WASF2: variants seen among roughly 807,000 people sequenced by gnomAD.
WASF2 encodes the protein WASP family member 2.
A neutral mutation model predicts 45.0 loss-of-function variants in WASF2; 14 were observed. The ratio of observed to expected loss-of-function variants is 0.31; its 90% CI spans 0.21 to 0.49. The LOEUF (loss-of-function observed/expected upper bound fraction) is 0.49. Ranked by LOEUF, WASF2 falls within the 20% of genes least tolerant of loss-of-function variation. The probability of loss-of-function intolerance (pLI) is 0.99; values close to 1 mark genes in which losing one functional copy is unlikely to be tolerated. For synonymous variants in WASF2, 200 were observed against 236.3 expected, an observed-to-expected ratio of 0.85 and a Z score of 1.41; for missense variants, 439 against 636.1, an observed-to-expected ratio of 0.69 and a Z score of 3.33.
Position 27,410,122 on chromosome 1 carries a change from A to G in WASF2, c.909T>C (p.Ala303=). The G allele has an allele frequency of 1.2e-6, 2 of 1,613,276 alleles. No homozygotes were observed. The highest frequency in any genetic ancestry group is 1.7e-6 in the Non-Finnish European group (2 of 1,179,528). ...SVVSPSHPPP[A]PPLGSPPGPK... is the part of the protein sequence containing the mutation. ...GGCCTGGTGGAGAGCCTAGAGGAGG[A>G]GCTGGTGGTGGATGGCTTGGGCTGA... The change falls in exon 8 of 9, where the codon GCT becomes GCC. Residue 303 remains alanine, a synonymous_variant. Coordinates refer to ENST00000618852, the MANE Select transcript of WASF2 (RefSeq NM_006990.5). This position sits in a 1 kb window ranked among gnomAD's most constrained non-coding sequence, Gnocchi z 4.2.
chr1:27,412,814 G>C (rs2016782446), intron 6 of WASF2, 87 bp from the exon 7 acceptor site: 2 of 1,498,874 alleles, frequency 1.3e-6, no homozygotes, highest in South Asian at 2.3e-5. Flanking sequence ...AAATGCATTT[G>C]ATACAAAAGC....
chr1:27,453,525 G>T (rs1217059909), intron 1 of WASF2, among the ~76,000 whole-genome samples: 1 of 147,952 alleles, frequency 6.8e-6, no homozygotes, highest in African/African-American at 2.5e-5. Context: ...CCAGGAGGCA[G>T]AGGTTGCCGT....
intron 1 of WASF2, among the ~76,000 whole-genome samples, chr1:27,483,487 T>C (rs187118033): frequency 6.6e-6 from 1 of 151,828 alleles, no homozygotes; most frequent in African/African-American, 2.4e-5. Flanking sequence ...AAAAACAAAA[T>C]TAGCCAGGCA....
intron 7 of WASF2, among the ~76,000 whole-genome samples, chr1:27,411,924 T>C (rs1485340849): frequency 1.3e-5 from 2 of 152,206 alleles, no homozygotes; most frequent in African/African-American, 4.8e-5. Context: ...AAGCTGGTGA[T>C]TTCCATTTGT....
intron 1 of WASF2, among the ~76,000 whole-genome samples, chr1:27,476,449 G>A (rs2017767604): frequency 6.6e-6 from 1 of 152,158 alleles, no homozygotes; most frequent in Admixed American, 6.5e-5. Flanking sequence ...CATTCATGAG[G>A]GACCTGCCCC....
intron 1 of WASF2, 72 bp from the exon 2 acceptor site, chr1:27,429,005 T>C: frequency 5.5e-6 from 6 of 1,089,574 alleles, no homozygotes; most frequent in Non-Finnish European, 7.4e-6. Flanking sequence ...GTGAATCTTT[T>C]TTTTTTTTTT....
At chr1:27,429,821 CTTAAG>C (rs1223722225) in intron 1 of WASF2, among the ~76,000 whole-genome samples, 11 of 151,782 alleles carry the variant, frequency 7.2e-5, no homozygotes, top group Non-Finnish European at 1.5e-4. Flanking sequence ...GCCAGTATCT[CTTAAG>C]TTTAGTTTGT....
rs151173269 is a variant in WASF2, at chr1:27,410,299, G to C, written c.825-93C>G. The C allele has an allele frequency of 1.3e-6, 2 of 1,537,836 alleles. No homozygotes were observed. The highest frequency in any genetic ancestry group is 4.6e-5 in the East Asian group (2 of 43,220). ...TTGTCTACAGACCGAGGTTTATCTT[G>C]GTTGACTATACCATTTCACTTTCAC... On this transcript the variant is annotated intron_variant, in intron 7 of 8. Transcript: ENST00000618852. This position sits in a 1 kb window ranked among gnomAD's most constrained non-coding sequence, Gnocchi z 4.2.
chr1:27,451,838 T>G (rs2017387669), intron 1 of WASF2, among the ~76,000 whole-genome samples: 1 of 152,230 alleles, frequency 6.6e-6, no homozygotes, highest in Non-Finnish European at 1.5e-5. Flanking sequence ...AGATGACGCC[T>G]AAAACTGCAG....
intron 1 of WASF2, among the ~76,000 whole-genome samples, chr1:27,431,913 G>C (rs1251119599): frequency 1.3e-5 from 2 of 152,188 alleles, no homozygotes; most frequent in East Asian, 1.9e-4. Context: ...ATAACAATAT[G>C]TCAATATCTA....
intron 1 of WASF2, among the ~76,000 whole-genome samples, chr1:27,451,507 T>C (rs1313966366): frequency 6.6e-6 from 1 of 152,180 alleles, no homozygotes; most frequent in African/African-American, 2.4e-5. Flanking sequence ...TATGCCGGGC[T>C]ACAGCACTTA....
intron 4 of WASF2, among the ~76,000 whole-genome samples, chr1:27,417,254 C>G (rs1395715923): frequency 6.6e-6 from 1 of 152,226 alleles, no homozygotes; most frequent in African/African-American, 2.4e-5. Context: ...CCCCTTTCTG[C>G]CCCACAACCC....
Position 27,414,257 on chromosome 1 carries a change from G to T in WASF2, c.668+576C>A, listed in dbSNP as rs1341563296. On this transcript the variant is annotated intron_variant, in intron 6 of 8. Coordinates refer to ENST00000618852, the MANE Select transcript of WASF2 (RefSeq NM_006990.5). This position sits in a 1 kb window ranked among gnomAD's most constrained non-coding sequence, Gnocchi z 4.1. ...CAGTGTGATTTGGTATTGGGAAATGGGGTCAGACTGACACCTCTTATTTCT... is the reference window on the plus strand; with the variant it reads ...CAGTGTGATTTGGTATTGGGAAATGTGGTCAGACTGACACCTCTTATTTCT... 6.6e-6 allele frequency among the ~76,000 whole-genome samples: 1 copy of T among 152,080 alleles called. No homozygotes were observed. Among genetic ancestry groups the T allele is most frequent in the African/African-American group, 2.4e-5 (1 of 41,396 alleles).
Position 27,404,875 on chromosome 1 carries a change from C to G in WASF2, c.*3314G>C, listed in dbSNP as rs1396021999. 1.3e-5 allele frequency: 2 copies of G among 152,310 alleles called. No homozygotes were observed. Among genetic ancestry groups the G allele is most frequent in the African/African-American group, 4.8e-5 (2 of 41,460 alleles). 9.4% of individuals were successfully genotyped at this position (152,310 alleles called of 1,614,324 possible). Reference sequence around the variant, plus strand: ...CTCTGCGCGACACCTGGTCCCAGGTCAGTTGGACCCCAGCAGGGCTCAAAG... The same window carrying G: ...CTCTGCGCGACACCTGGTCCCAGGTGAGTTGGACCCCAGCAGGGCTCAAAG... On this transcript the variant is annotated 3_prime_UTR_variant, in exon 9 of 9. Coordinates refer to ENST00000618852, the MANE Select transcript of WASF2 (RefSeq NM_006990.5).
chr1:27,452,384 G>A (rs1025099553), intron 1 of WASF2, among the ~76,000 whole-genome samples: 20 of 151,952 alleles, frequency 1.3e-4, no homozygotes, highest in East Asian at 1.9e-4. Flanking sequence ...GTGGTGGTGC[G>A]CACCTGTAGT....
At chr1:27,446,598 T>C (rs1009225136) in intron 1 of WASF2, among the ~76,000 whole-genome samples, 31 of 151,990 alleles carry the variant, frequency 2.0e-4, no homozygotes, top group African/African-American at 6.5e-4. Context: ...CTTGGTAACA[T>C]GGCAAAACCC....
At chr1:27,445,840 CTT>C (rs557290282) in intron 1 of WASF2, among the ~76,000 whole-genome samples, 11 of 140,440 alleles carry the variant, frequency 7.8e-5, no homozygotes, top group Admixed American at 1.4e-4. Context: ...TCATCAGGGA[CTT>C]TTTTTTTTTT....
chr1:27,428,995 G>T, intron 1 of WASF2, 62 bp from the exon 2 acceptor site: 568 of 860,094 alleles, frequency 6.6e-4, no homozygotes, highest in Middle Eastern at 8.5e-4. Flanking sequence ...CTAGGGCTGT[G>T]TGAATCTTTT....
chr1:27,479,572 C>T (rs1275618550), intron 1 of WASF2, among the ~76,000 whole-genome samples: 1 of 152,110 alleles, frequency 6.6e-6, no homozygotes, highest in East Asian at 1.9e-4. Context: ...CTATAAAATG[C>T]AGCTACTAAT....
Sources: gnomAD v4.1 joint callset for allele counts (sites outside exome capture counted in the v4.1 genomes callset) on GRCh38, gnomAD v4.1.1 for gene constraint, Gnocchi (gnomAD v3.1) non-coding constraint, MANE v1.5 for transcripts, NCBI Gene and HGNC (gene_info 2026-07-23, HGNC 2026-07-21) for gene names.